The following NCOA2 variants were observed in gnomAD, a reference collection of about 807,000 sequenced individuals.
NCOA2 encodes the protein nuclear receptor coactivator 2, also known as class E basic helix-loop-helix protein 75.
In NCOA2, 21 loss-of-function variants were observed where a neutral mutation model predicts 145.1. The observed-to-expected ratio is 0.14, with a 90% CI of 0.10 to 0.21. The LOEUF (loss-of-function observed/expected upper bound fraction) is 0.21, where lower values mean the gene tolerates loss of function less well. Among genes scored for constraint, NCOA2 ranks in the 10% least tolerant of loss-of-function variants. The pLI is 1.00. For missense variants in NCOA2, 1,472 were observed against 1,837.6 expected, an observed-to-expected ratio of 0.80 and a Z score of 3.64; for synonymous variants, 619 against 637.5, an observed-to-expected ratio of 0.97 and a Z score of 0.44.
At chr8:70,451,494 G>A in the NCOA2 span, among the ~76,000 whole-genome samples, 5 of 150,744 alleles carry the variant, frequency 3.3e-5, no homozygotes, top group South Asian at 4.2e-4. Context: ...CTAAGCCACC[G>A]TAGTACACAA....
Position 70,389,283 on chromosome 8 carries a change from AT to A in NCOA2, c.-77+14416del, listed in dbSNP as rs1302419596. ...TGGCAAACTCCCTCCAACAGGCCAAATTTTTTTTTTTTTTGAGACGCAGTTT... is the reference window on the plus strand; with the variant it reads ...TGGCAAACTCCCTCCAACAGGCCAAATTTTTTTTTTTTTGAGACGCAGTTT... On this transcript the variant is annotated intron_variant, in intron 1 of 22. Coordinates refer to ENST00000452400, the MANE Select transcript of NCOA2 (RefSeq NM_006540.4). 6.9e-3 allele frequency among the ~76,000 whole-genome samples: 1,009 copies of A among 145,760 alleles called. 6 individuals carry two copies. The highest frequency in any genetic ancestry group is 0.018 in the African/African-American group (725 of 40,116).
intron 5 of NCOA2, among the ~76,000 whole-genome samples, chr8:70,173,752 G>A (rs539093488): frequency 3.9e-5 from 6 of 152,214 alleles, no homozygotes; most frequent in South Asian, 2.1e-4. Context: ...TGCTCTTGGA[G>A]TCTTTATTGT....
intron 1 of NCOA2, among the ~76,000 whole-genome samples, chr8:70,396,924 T>G (rs1190435340): frequency 6.6e-6 from 1 of 152,212 alleles, no homozygotes; most frequent in Non-Finnish European, 1.5e-5. Context: ...TTCCCCCACT[T>G]AGTGGCAAAG....
chr8:70,277,768 A>T (rs1825573871), intron 2 of NCOA2, among the ~76,000 whole-genome samples: 1 of 152,124 alleles, frequency 6.6e-6, no homozygotes, highest in Non-Finnish European at 1.5e-5. Context: ...CTTCTGTTAG[A>T]CATTTAAATT....
intron 1 of NCOA2, among the ~76,000 whole-genome samples, chr8:70,325,569 A>C (rs1806484147): frequency 6.6e-6 from 1 of 151,816 alleles, no homozygotes; most frequent in Non-Finnish European, 1.5e-5. Context: ...ACATCACCAC[A>C]CTCAGCTAAT....
chr8:70,259,437 TTATTA>T lies in NCOA2; in HGVS notation c.-20+37302_-20+37306del, dbSNP rs138750512. ...CTCATCTTCGTATTCCCTACAGGAC[TTATTA>T]TGATACCTTGGTACATAATGTAAAC... On this transcript the variant is annotated intron_variant, in intron 2 of 22. Coordinates refer to ENST00000452400, the MANE Select transcript of NCOA2 (RefSeq NM_006540.4). Among the ~76,000 whole-genome samples the T allele has an allele frequency of 5.9e-3, 895 of 152,374 alleles. 5 individuals carry two copies. The highest frequency in any genetic ancestry group is 0.02 in the African/African-American group (833 of 41,584).
chr8:70,141,270 A>G lies in NCOA2; in HGVS notation c.2942T>C (p.Ile981Thr), dbSNP rs372370338. 6.5e-5 allele frequency: 105 copies of G among 1,613,778 alleles called. No homozygotes were observed. The highest frequency in any genetic ancestry group is 8.6e-5 in the Non-Finnish European group (101 of 1,179,884). Residue 981 changes from isoleucine (I) to threonine (T), a missense_variant, in exon 14 of 23, where the codon ATT becomes ACT. By Grantham distance (89) the Ile-to-Thr change is moderately conservative (BLOSUM62 -1). Coordinates refer to ENST00000452400, the MANE Select transcript of NCOA2 (RefSeq NM_006540.4). ...GGGGATGCTGGCTGCTGGGTTCCGA[A>G]TCATACCTCCTTGGACTGGCCGGTT... ...AMNRPVQGGMIRNPAASIPMR... is the reference protein window; with the variant it reads ...AMNRPVQGGMTRNPAASIPMR...
At chr8:70,165,068 C>CA (rs1309191568) in intron 7 of NCOA2, among the ~76,000 whole-genome samples, 1 of 152,112 alleles carries the variant, frequency 6.6e-6, no homozygotes, top group Non-Finnish European at 1.5e-5. Context: ...TTTAAATGTA[C>CA]AAAAAATGTT....
At chr8:70,380,690 C>T (rs531694045) in intron 1 of NCOA2, among the ~76,000 whole-genome samples, 4 of 151,892 alleles carry the variant, frequency 2.6e-5, no homozygotes, top group South Asian at 4.2e-4. Context: ...TACCACGGAA[C>T]AAAAATTTTC....
intron 1 of NCOA2, among the ~76,000 whole-genome samples, chr8:70,387,637 C>T (rs1038322389): frequency 5.9e-5 from 8 of 135,868 alleles, no homozygotes; most frequent in African/African-American, 2.2e-4. Flanking sequence ...TGCTTCCTCC[C>T]TGCTGAATTC....
chr8:70,399,996 T>C (rs1443963293), intron 1 of NCOA2, among the ~76,000 whole-genome samples: 1 of 152,172 alleles, frequency 6.6e-6, no homozygotes, highest in African/African-American at 2.4e-5. Context: ...TTACTGAAGC[T>C]TGGAAAGCTT....
At chr8:70,135,037 T>C (rs910527125) in intron 15 of NCOA2, among the ~76,000 whole-genome samples, 2 of 152,154 alleles carry the variant, frequency 1.3e-5, no homozygotes, top group Admixed American at 6.6e-5. Flanking sequence ...GCCCCTGGAA[T>C]AGGGTGGTAG....
the NCOA2 span, among the ~76,000 whole-genome samples, chr8:70,440,568 G>GGA: frequency 8.7e-5 from 13 of 150,168 alleles, no homozygotes; most frequent in South Asian, 2.1e-4. Context: ...GTGAGATAAG[G>GGA]GAGAGAGAGA....
chr8:70,403,449 C>G (rs1006868196), intron 1 of NCOA2, among the ~76,000 whole-genome samples: 1 of 151,676 alleles, frequency 6.6e-6, no homozygotes, highest in Admixed American at 6.6e-5. Flanking sequence ...TCCGCGTCTC[C>G]CCGTCGCTTC....
intron 10 of NCOA2, among the ~76,000 whole-genome samples, chr8:70,159,222 T>TTATATATATATATA (rs6150644): frequency 1.1e-4 from 5 of 44,488 alleles, no homozygotes; most frequent in African/African-American, 2.0e-4. Flanking sequence ...CAGTATAACA[T>TTATATATATATATA]TATATATATA....
At chr8:70,118,559 T>TA (rs988612567) in intron 22 of NCOA2, among the ~76,000 whole-genome samples, 1 of 152,188 alleles carries the variant, frequency 6.6e-6, no homozygotes, top group African/African-American at 2.4e-5. Flanking sequence ...CACAGTAAGT[T>TA]AAAATCTGGA....
chr8:70,388,769 G>GCA (rs144931461), intron 1 of NCOA2, among the ~76,000 whole-genome samples: 5 of 151,364 alleles, frequency 3.3e-5, no homozygotes, highest in South Asian at 2.1e-4. Flanking sequence ...AAGCACACAC[G>GCA]CACACACACA....
At chr8:70,165,454 T>A (rs1813499561) in intron 7 of NCOA2, among the ~76,000 whole-genome samples, 1 of 152,194 alleles carries the variant, frequency 6.6e-6, no homozygotes, top group Non-Finnish European at 1.5e-5. Flanking sequence ...GCAGCTGAAT[T>A]AGGAGTTGGC....
chr8:70,376,973 T>C (rs1214446084), intron 1 of NCOA2, among the ~76,000 whole-genome samples: 1 of 152,192 alleles, frequency 6.6e-6, no homozygotes, highest in African/African-American at 2.4e-5. Flanking sequence ...TGCTAACACA[T>C]GATCATCAAT....
Sources: gnomAD v4.1 joint callset for allele counts (sites outside exome capture counted in the v4.1 genomes callset) on GRCh38, gnomAD v4.1.1 for gene constraint, MANE v1.5 for transcripts, NCBI Gene and HGNC (gene_info 2026-07-23, HGNC 2026-07-21) for gene names.